Variants in HMGCLL1 observed in about 807,000 individuals in gnomAD.
HMGCLL1 encodes 3-hydroxymethyl-3-methylglutaryl-CoA lyase, cytoplasmic.
A neutral mutation model predicts 39.1 loss-of-function variants in HMGCLL1; 36 were observed. That is an observed-to-expected ratio of 0.92 (90% confidence interval 0.71 to 1.22). HMGCLL1 has a LOEUF of 1.22. HMGCLL1 is among the 50% of genes most tolerant of loss of function. HMGCLL1 has a pLI of 0.00. For synonymous variants in HMGCLL1, 149 were observed against 144.0 expected, an observed-to-expected ratio of 1.03 and a Z score of -0.25; for missense variants, 451 against 416.5, an observed-to-expected ratio of 1.08 and a Z score of -0.72.
At chr6:55,607,958 T>G in the HMGCLL1 span, among the ~76,000 whole-genome samples, 14 of 152,206 alleles carry the variant, frequency 9.2e-5, no homozygotes, top group Non-Finnish European at 1.2e-4. Context: ...CCTTTGATTC[T>G]TCTCTCATTC....
At chr6:55,647,903 A>G in the HMGCLL1 span, among the ~76,000 whole-genome samples, 3 of 106,238 alleles carry the variant, frequency 2.8e-5, no homozygotes, top group Non-Finnish European at 5.6e-5. Context: ...ATATCTCCCA[A>G]TGCTATCCCT....
At chr6:55,619,445 G>A in the HMGCLL1 span, among the ~76,000 whole-genome samples, 2 of 151,942 alleles carry the variant, frequency 1.3e-5, no homozygotes, top group African/African-American at 4.8e-5. Context: ...TAACAATAGT[G>A]GCACATGGGA....
intron 1 of HMGCLL1, among the ~76,000 whole-genome samples, chr6:55,554,903 T>G (rs749959384): frequency 1.3e-5 from 2 of 152,220 alleles, no homozygotes; most frequent in African/African-American, 2.4e-5. Context: ...CAGATCATGT[T>G]CTATCTTTAA....
chr6:55,551,415 G>T (rs1770319470), intron 1 of HMGCLL1, among the ~76,000 whole-genome samples: 1 of 151,836 alleles, frequency 6.6e-6, no homozygotes, highest in South Asian at 2.1e-4. Flanking sequence ...AGGCCTTACT[G>T]CATCTTAGTT....
intron 7 of HMGCLL1, among the ~76,000 whole-genome samples, chr6:55,471,750 G>A (rs1222158321): frequency 6.6e-6 from 1 of 151,296 alleles, no homozygotes; most frequent in Non-Finnish European, 1.5e-5. Flanking sequence ...TAAGTATACA[G>A]ATCAATAAAT....
the HMGCLL1 span, among the ~76,000 whole-genome samples, chr6:55,607,802 C>T: frequency 6.6e-6 from 1 of 152,238 alleles, no homozygotes; most frequent in Non-Finnish European, 1.5e-5. Flanking sequence ...ATCTACTTCT[C>T]CTAGAATCCA....
At chr6:55,585,330 TAA>T in the HMGCLL1 span, among the ~76,000 whole-genome samples, 1 of 152,044 alleles carries the variant, frequency 6.6e-6, no homozygotes, top group Non-Finnish European at 1.5e-5. Context: ...TATTGCAAAA[TAA>T]AAGACACAGA....
At chr6:55,618,103 GAAACTATAATATAGTGTA>G in the HMGCLL1 span, among the ~76,000 whole-genome samples, 1 of 152,030 alleles carries the variant, frequency 6.6e-6, no homozygotes, top group Non-Finnish European at 1.5e-5. Context: ...CATAGGTGAT[GAAACTATAATATAGTGTA>G]AAACAAGGAA....
intron 3 of HMGCLL1, among the ~76,000 whole-genome samples, chr6:55,531,315 A>G (rs1245439122): frequency 1.3e-5 from 2 of 152,194 alleles, no homozygotes; most frequent in African/African-American, 2.4e-5. Flanking sequence ...AATGCAAAAA[A>G]GACCACTAAA....
chr6:55,623,919 G>A, the HMGCLL1 span, among the ~76,000 whole-genome samples: 3 of 151,864 alleles, frequency 2.0e-5, no homozygotes, highest in Admixed American at 6.6e-5. Context: ...ATGAGTCCAG[G>A]GACCGACTGT....
the HMGCLL1 span, among the ~76,000 whole-genome samples, chr6:55,593,558 C>A: frequency 0.42 from 63,579 of 151,834 alleles, 14,038 homozygotes; most frequent in East Asian, 0.6. Flanking sequence ...TTTGTAAGTA[C>A]TTTGTCTTCA....
the HMGCLL1 span, among the ~76,000 whole-genome samples, chr6:55,669,074 G>T: frequency 1.1e-4 from 17 of 150,192 alleles, no homozygotes; most frequent in African/African-American, 3.9e-4. Flanking sequence ...AGAGCCTGTG[G>T]AAACCAGAAA....
At chr6:55,665,236 G>T in the HMGCLL1 span, among the ~76,000 whole-genome samples, 3 of 151,730 alleles carry the variant, frequency 2.0e-5, no homozygotes, top group African/African-American at 7.2e-5. Context: ...CAAACTTTTT[G>T]TTGTTATTGG....
chr6:55,469,599 G>GA (rs1764958528), intron 7 of HMGCLL1, among the ~76,000 whole-genome samples: 1 of 151,134 alleles, frequency 6.6e-6, no homozygotes, highest in Non-Finnish European at 1.5e-5. Flanking sequence ...ATGAGAGTTA[G>GA]CGAAGTCGAG....
At chr6:55,581,193 G>A (rs6459086), upstream of HMGCLL1, among the ~76,000 whole-genome samples, 78,376 of 151,124 alleles carry the variant, frequency 0.52, 20,669 homozygotes, top group African/African-American at 0.62. Flanking sequence ...AACATTTAGG[G>A]AAAAAAAAAT....
intron 7 of HMGCLL1, among the ~76,000 whole-genome samples, chr6:55,487,436 T>C (rs748556766): frequency 6.6e-6 from 1 of 152,014 alleles, no homozygotes; most frequent in African/African-American, 2.4e-5. Context: ...CCTAAAGTTA[T>C]CCCTCCCCTA....
At chr6:55,507,722 C>T (rs1047777104) in intron 5 of HMGCLL1, among the ~76,000 whole-genome samples, 3 of 151,794 alleles carry the variant, frequency 2.0e-5, no homozygotes, top group South Asian at 2.1e-4. Context: ...AGACCTGAAA[C>T]TTACATCACT....
chr6:55,643,350 A>T, the HMGCLL1 span, among the ~76,000 whole-genome samples: 1 of 151,964 alleles, frequency 6.6e-6, no homozygotes, highest in Non-Finnish European at 1.5e-5. Context: ...TATAGATAGT[A>T]TCTCATTGGG....
rs541211961 is a variant in HMGCLL1 at position 55,518,992 on chromosome 6, G to A, written c.298-2389C>T. Reference sequence around the variant, plus strand: ...ACCAATAGGGTTGGAAAAGAAAGACGGACGGTTGCGTAAGTGGTAACATAT... The same window carrying A: ...ACCAATAGGGTTGGAAAAGAAAGACAGACGGTTGCGTAAGTGGTAACATAT... On this transcript the variant is annotated intron_variant, in intron 3 of 8. Transcript: ENST00000274901. Among the ~76,000 whole-genome samples the A allele has an allele frequency of 1.2e-3, 181 of 152,214 alleles. 1 individual carries two copies. Among genetic ancestry groups the A allele is most frequent in the South Asian group, 0.012 (57 of 4,826 alleles).
Sources: gnomAD v4.1 joint callset for allele counts (sites outside exome capture counted in the v4.1 genomes callset) on GRCh38, gnomAD v4.1.1 for gene constraint, MANE v1.5 for transcripts, NCBI Gene and HGNC (gene_info 2026-07-23, HGNC 2026-07-21) for gene names.